The following TBC1D9 variants were observed in gnomAD, a reference collection of about 807,000 sequenced individuals.
TBC1D9 encodes the protein TBC1 domain family member 9A.
TBC1D9 carries 63 observed loss-of-function variants against 132.0 expected under a neutral mutation model. That is an observed-to-expected ratio of 0.48 (90% confidence interval 0.39 to 0.59). The LOEUF (loss-of-function observed/expected upper bound fraction) is 0.59. Among genes scored for constraint, TBC1D9 ranks in the 20% least tolerant of loss-of-function variants. TBC1D9 has a pLI of 0.00. For missense variants in TBC1D9, 1,261 were observed against 1,592.7 expected (o/e 0.79, Z 3.54); for synonymous variants, 610 against 609.9 (o/e 1.00, Z 0.00).
intron 3 of TBC1D9, among the ~76,000 whole-genome samples, chr4:140,683,883 G>A (rs1335880361): frequency 1.3e-5 from 2 of 152,202 alleles, no homozygotes; most frequent in Admixed American, 1.3e-4. Flanking sequence ...CACAGCCTGT[G>A]GGTAAAGTTA....
At position 140,701,618 on chromosome 4, in the gene TBC1D9, A is replaced by G; in HGVS notation, c.131-4T>C. 4 of 1,612,416 alleles carry G rather than the reference A, an allele frequency of 2.5e-6. No homozygotes were observed. Among genetic ancestry groups the G allele is most frequent in the Non-Finnish European group, 3.4e-6 (4 of 1,178,528 alleles). ...TCAAGGGTACCCACCAGCAGGCCTG[A>G]GGGTGGAAAGTGGGGAGAAACAGGT... is the stretch of plus-strand genomic sequence containing the variant. On this transcript the variant is annotated splice_region_variant and splice_polypyrimidine_tract_variant and intron_variant, in intron 1 of 20. Coordinates refer to ENST00000442267, the MANE Select transcript of TBC1D9 (RefSeq NM_015130.3).
intron 11 of TBC1D9, 153 bp downstream of exon 11, chr4:140,659,435 T>G (rs1286886497): frequency 1.8e-6 from 1 of 567,160 alleles, no homozygotes; most frequent in Non-Finnish European, 3.1e-6. Flanking sequence ...AACCTATATT[T>G]ATTCAACCTC....
rs1322146634 is a variant in TBC1D9, at chr4:140,622,513, G to T, written c.3483C>A (p.Ser1161=). ...ISDDDTKDDS[S]MSSYSVLSAG... is the part of the protein sequence containing the mutation. Reference sequence around the variant, plus strand: ...CACTCAGCACCGAGTATGAGGACATGGAGCTGTCGTCCTTGGTGTCGTCGT... The same window carrying T: ...CACTCAGCACCGAGTATGAGGACATTGAGCTGTCGTCCTTGGTGTCGTCGT... The change falls in exon 21 of 21, where the codon TCC becomes TCA. Residue 1161 remains serine, a synonymous_variant. Coordinates refer to ENST00000442267, the MANE Select transcript of TBC1D9 (RefSeq NM_015130.3). The T allele has an allele frequency of 6.2e-7, 1 of 1,614,050 alleles. No individual in the cohort carries two copies. Among genetic ancestry groups the T allele is most frequent in the Non-Finnish European group, 8.5e-7 (1 of 1,179,894 alleles).
chr4:140,662,142 G>T (rs771112593), intron 9 of TBC1D9, 35 bp from the exon 10 acceptor site: 3 of 1,551,248 alleles, frequency 1.9e-6, no homozygotes, highest in South Asian at 2.2e-5. Flanking sequence ...TATCAAAAAC[G>T]TGAGAGCTCT....
At chr4:140,628,216 G>T in intron 17 of TBC1D9, 84 bp downstream of exon 17, 1 of 1,163,364 alleles carries the variant, frequency 8.6e-7, no homozygotes, top group Non-Finnish European at 1.3e-6. Flanking sequence ...ATCAAAAAGA[G>T]GACGATCAGG....
chr4:140,742,641 C>A (rs923948504), intron 1 of TBC1D9, among the ~76,000 whole-genome samples: 6 of 151,538 alleles, frequency 4.0e-5, no homozygotes, highest in Non-Finnish European at 7.4e-5. Flanking sequence ...TTATTGACTT[C>A]TTCACAGTTC....
At chr4:140,629,142 G>C (rs1434312742) in intron 16 of TBC1D9, among the ~76,000 whole-genome samples, 1 of 152,214 alleles carries the variant, frequency 6.6e-6, no homozygotes, top group Non-Finnish European at 1.5e-5. Flanking sequence ...ACACCCCAGT[G>C]AGACAGGACT....
At chr4:140,686,087 A>T (rs566122232) in intron 3 of TBC1D9, among the ~76,000 whole-genome samples, 1 of 152,320 alleles carries the variant, frequency 6.6e-6, no homozygotes, top group East Asian at 1.9e-4. Flanking sequence ...AAACACTCAC[A>T]TGTACCCCAG....
chr4:140,623,477 C>T (rs72718362), intron 20 of TBC1D9, among the ~76,000 whole-genome samples: 340 of 152,352 alleles, frequency 2.2e-3, no homozygotes, highest in Non-Finnish European at 3.9e-3. Context: ...CTATGTCATA[C>T]ATTTGGCTCA....
At chr4:140,670,484 C>G in intron 7 of TBC1D9, 1 of 510,736 alleles carries the variant, frequency 2.0e-6, no homozygotes, top group Non-Finnish European at 3.5e-6. Flanking sequence ...GAACAGATTA[C>G]TTAAGAATTT....
chr4:140,733,233 AT>A (rs1274467829), intron 1 of TBC1D9, among the ~76,000 whole-genome samples: 2 of 152,182 alleles, frequency 1.3e-5, no homozygotes, highest in African/African-American at 4.8e-5. Context: ...AGTTTTGAAA[AT>A]TTGACTTTTA....
chr4:140,657,394 G>A (rs1294543847), intron 12 of TBC1D9, 133 bp downstream of exon 12: 1 of 1,347,528 alleles, frequency 7.4e-7, no homozygotes, highest in African/African-American at 1.5e-5. Context: ...AAAAGCATAT[G>A]AAAATAAATC....
Position 140,755,951 on chromosome 4 carries a change from T to G in TBC1D9, c.95A>C (p.His32Pro). ...PYFILQRRKG[H>P]AGDGGGGGGL... is the part of the protein sequence containing the mutation. ...GCCGCCGCCGCCTCCATCGCCGGCG[T>G]GGCCCTTCCTCCGCTGCAGGATGAA... The change falls in exon 1 of 21, where the codon CAC becomes CCC. Residue 32 changes from histidine to proline, a missense_variant. By Grantham distance (77) the His-to-Pro change is moderately conservative (BLOSUM62 -2). This residue lies in a region of TBC1D9 where 550 missense variants were observed against 699.0 expected (regional missense o/e 0.79). Coordinates refer to ENST00000442267, the MANE Select transcript of TBC1D9 (RefSeq NM_015130.3). 6.3e-7 allele frequency: 1 copy of G among 1,596,682 alleles called. No individual in the cohort carries two copies. Among genetic ancestry groups the G allele is most frequent in the Non-Finnish European group, 8.5e-7 (1 of 1,173,052 alleles).
intron 2 of TBC1D9, among the ~76,000 whole-genome samples, chr4:140,690,577 G>A (rs1055343540): frequency 2.0e-5 from 3 of 152,078 alleles, no homozygotes; most frequent in South Asian, 2.1e-4. Flanking sequence ...GCCACTCGCT[G>A]CTCCCATGTA....
intron 1 of TBC1D9, among the ~76,000 whole-genome samples, chr4:140,729,246 T>C (rs1738548575): frequency 6.6e-6 from 1 of 152,200 alleles, no homozygotes. Flanking sequence ...AAAGTAAAAT[T>C]ACACAGACGT....
intron 13 of TBC1D9, among the ~76,000 whole-genome samples, chr4:140,656,723 T>C (rs1737277480): frequency 6.6e-6 from 1 of 152,236 alleles, no homozygotes; most frequent in African/African-American, 2.4e-5. Flanking sequence ...TTCTTCCTAC[T>C]ACCCTCCTGA....
At chr4:140,755,020 G>A (rs1459825205) in intron 1 of TBC1D9, among the ~76,000 whole-genome samples, 1 of 152,198 alleles carries the variant, frequency 6.6e-6, no homozygotes, top group South Asian at 2.1e-4. Flanking sequence ...GAGGGTCAAA[G>A]TTCATCTCTT....
chr4:140,717,254 T>C (rs996964229), intron 1 of TBC1D9, among the ~76,000 whole-genome samples: 13 of 152,204 alleles, frequency 8.5e-5, no homozygotes, highest in Admixed American at 7.9e-4. Context: ...CCAACTTTCC[T>C]GTCTTGTTTT....
intron 6 of TBC1D9, among the ~76,000 whole-genome samples, chr4:140,672,662 G>A (rs373951052): frequency 3.3e-5 from 5 of 152,130 alleles, no homozygotes; most frequent in East Asian, 1.9e-4. Context: ...ATGCTCAGAC[G>A]GCTTATAAAA....
Sources: gnomAD v4.1 joint callset for allele counts (sites outside exome capture counted in the v4.1 genomes callset) on GRCh38, gnomAD v4.1.1 for gene constraint, gnomAD v4.1.1 regional missense constraint, MANE v1.5 for transcripts, NCBI Gene and HGNC (gene_info 2026-07-23, HGNC 2026-07-21) for gene names.